The following CLDN10 variants were observed in gnomAD, a reference collection of about 807,000 sequenced individuals.
CLDN10 encodes claudin 10.
A neutral mutation model predicts 22.9 loss-of-function variants in CLDN10; 15 were observed. The ratio of observed to expected loss-of-function variants is 0.65; its 90% CI spans 0.44 to 1.01. CLDN10 has a LOEUF of 1.01. CLDN10 is among the 50% of genes least tolerant of loss of function. The pLI is 0.00. For missense variants in CLDN10, 247 were observed against 287.8 expected (o/e 0.86, Z 1.03); for synonymous variants, 114 against 111.4 (o/e 1.02, Z -0.15).
chr13:95,571,581 G>A (rs2043862004), intron 3 of CLDN10, among the ~76,000 whole-genome samples: 1 of 152,108 alleles, frequency 6.6e-6, no homozygotes, highest in Non-Finnish European at 1.5e-5. Flanking sequence ...AGAGAGATAC[G>A]CAGGATCAGC....
At chr13:95,517,100 C>T (rs9561891) in intron 1 of CLDN10, among the ~76,000 whole-genome samples, 130,917 of 149,378 alleles carry the variant, frequency 0.88, 57,543 homozygotes, top group East Asian at 0.96. Flanking sequence ...TCCTCCCTCC[C>T]GCCCTCCCTC....
intron 1 of CLDN10, among the ~76,000 whole-genome samples, chr13:95,456,171 C>A (rs531974935): frequency 7.9e-5 from 12 of 152,174 alleles, no homozygotes; most frequent in Non-Finnish European, 1.6e-4. Flanking sequence ...TGGGGTGAAA[C>A]TTTTAATTTC....
chr13:95,527,027 A>G (rs1331583602), intron 1 of CLDN10, among the ~76,000 whole-genome samples: 1 of 152,170 alleles, frequency 6.6e-6, no homozygotes, highest in Non-Finnish European at 1.5e-5. Context: ...AACAGAGCTG[A>G]GTATGAAATA....
intron 1 of CLDN10, among the ~76,000 whole-genome samples, chr13:95,528,853 C>G (rs768886392): frequency 1.3e-5 from 2 of 151,974 alleles, no homozygotes; most frequent in Non-Finnish European, 2.9e-5. Flanking sequence ...TTGGCAACAC[C>G]AAGTTAAAGA....
intron 1 of CLDN10, among the ~76,000 whole-genome samples, chr13:95,545,829 T>C (rs1030271764): frequency 6.6e-6 from 1 of 152,058 alleles, no homozygotes; most frequent in African/African-American, 2.4e-5. Flanking sequence ...GGAAGAAGGG[T>C]GGGTGCTCAC....
chr13:95,570,107 G>C (rs2043835990), intron 3 of CLDN10, among the ~76,000 whole-genome samples: 1 of 152,142 alleles, frequency 6.6e-6, no homozygotes, highest in African/African-American at 2.4e-5. Flanking sequence ...ACGGATTCTT[G>C]ACCCATGCTT....
chr13:95,550,449 C>CA (rs1232205142), upstream of CLDN10, among the ~76,000 whole-genome samples: 1 of 152,072 alleles, frequency 6.6e-6, no homozygotes, highest in African/African-American at 2.4e-5. Flanking sequence ...CTAGTAAAAA[C>CA]AAAGAAATAA....
intron 1 of CLDN10, among the ~76,000 whole-genome samples, chr13:95,534,515 C>T (rs2043379465): frequency 6.6e-6 from 1 of 151,834 alleles, no homozygotes; most frequent in Admixed American, 6.6e-5. Context: ...TTAAAAATAA[C>T]TTTTTATATC....
chr13:95,459,791 G>A (rs1330117622), intron 1 of CLDN10, among the ~76,000 whole-genome samples: 1 of 152,210 alleles, frequency 6.6e-6, no homozygotes, highest in African/African-American at 2.4e-5. Context: ...CAGCCTGCTT[G>A]AATTTCTCCC....
intron 1 of CLDN10, among the ~76,000 whole-genome samples, chr13:95,471,920 C>T (rs927664481): frequency 6.1e-5 from 9 of 147,720 alleles, no homozygotes; most frequent in Admixed American, 2.1e-4. Context: ...GACTACAAGG[C>T]GCATGCCACC....
At chr13:95,513,816 A>G (rs1299848771) in intron 1 of CLDN10, among the ~76,000 whole-genome samples, 2 of 152,228 alleles carry the variant, frequency 1.3e-5, no homozygotes, top group African/African-American at 4.8e-5. Flanking sequence ...AAACACAAAA[A>G]CAAGTGTAGA....
chr13:95,538,026 AAAAC>A (rs568858000), intron 1 of CLDN10, among the ~76,000 whole-genome samples: 26 of 152,230 alleles, frequency 1.7e-4, no homozygotes, highest in Non-Finnish European at 2.2e-4. Flanking sequence ...GCACCAGTCT[AAAAC>A]AACGTTGCCA....
chr13:95,552,626 GC>G, upstream of CLDN10: 1 of 1,228,736 alleles, frequency 8.1e-7, no homozygotes, highest in Non-Finnish European at 1.1e-6. Flanking sequence ...CGCCGGGTCC[GC>G]TGGGCGGGGT....
intron 1 of CLDN10, among the ~76,000 whole-genome samples, chr13:95,523,750 A>G (rs1013860327): frequency 6.6e-6 from 1 of 152,204 alleles, no homozygotes; most frequent in Middle Eastern, 3.4e-3. Context: ...GCTTATTTAC[A>G]TTTTTGAAAG....
intron 1 of CLDN10, among the ~76,000 whole-genome samples, chr13:95,512,621 G>GTATCAGCTGCAGCCCTGTGCCA (rs1203628091): frequency 1.3e-5 from 2 of 152,192 alleles, no homozygotes; most frequent in Non-Finnish European, 2.9e-5. Context: ...GCCCAGAGCA[G>GTATCAGCTGCAGCCCTGTGCCA]TATCAGCTGC....
chr13:95,443,690 C>T lies in CLDN10; in HGVS notation c.214+9643C>T, dbSNP rs562493656. Among the ~76,000 whole-genome samples the T allele has an allele frequency of 2.6e-5, 4 of 152,188 alleles. No homozygotes were observed. In the East Asian group the frequency reaches 7.7e-4, roughly 29 times the overall value. On this transcript the variant is annotated intron_variant, in intron 1 of 4. Transcript: ENST00000376873. ...GTAGGAGCCCCAAGTTGTCTGGTTG[C>T]CACCCTGGGGTGATTAGGGCAGGGA...
intron 1 of CLDN10, among the ~76,000 whole-genome samples, chr13:95,460,701 A>G (rs2042527999): frequency 6.6e-6 from 1 of 152,144 alleles, no homozygotes; most frequent in African/African-American, 2.4e-5. Flanking sequence ...CAGCCAAACC[A>G]TATCAATGGC....
chr13:95,530,999 C>T (rs2043336643), intron 1 of CLDN10, among the ~76,000 whole-genome samples: 1 of 151,234 alleles, frequency 6.6e-6, no homozygotes, highest in African/African-American at 2.4e-5. Flanking sequence ...AATCTTGGCT[C>T]ACTCAGCCTC....
chr13:95,548,306 T>C (rs759939430), upstream of CLDN10, among the ~76,000 whole-genome samples: 36 of 152,310 alleles, frequency 2.4e-4, no homozygotes, highest in African/African-American at 8.7e-4. Context: ...AAGAGGAGTC[T>C]ACTAAGATAA....
Sources: allele counts gnomAD v4.1 joint callset (sites outside exome capture counted in the v4.1 genomes callset), GRCh38; gene constraint gnomAD v4.1.1; transcripts MANE v1.5; gene names NCBI Gene and HGNC (gene_info 2026-07-23, HGNC 2026-07-21).